SOBP: variants seen among roughly 807,000 people sequenced by gnomAD.
SOBP encodes sine oculis binding protein homolog, also known as sine oculis-binding protein homolog.
SOBP carries 4 observed loss-of-function variants against 53.6 expected under a neutral mutation model. The observed-to-expected ratio is 0.07, with a 90% CI of 0.04 to 0.17. SOBP has a LOEUF of 0.17. Ranked by LOEUF, SOBP falls within the 10% of genes least tolerant of loss-of-function variation. The probability of loss-of-function intolerance (pLI) is 1.00; values close to 1 mark genes in which losing one functional copy is unlikely to be tolerated. For missense variants in SOBP, 1,088 were observed against 1,204.7 expected, an observed-to-expected ratio of 0.90 and a Z score of 1.43; for synonymous variants, 584 against 522.6, an observed-to-expected ratio of 1.12 and a Z score of -1.60.
chr6:107,512,978 G>A (rs748879655), intron 3 of SOBP, among the ~76,000 whole-genome samples: 1 of 152,044 alleles, frequency 6.6e-6, no homozygotes, highest in Non-Finnish European at 1.5e-5. Context: ...AAAAAAAGAG[G>A]GAATATACTT....
chr6:107,513,357 G>A (rs1331255839), intron 3 of SOBP, among the ~76,000 whole-genome samples: 2 of 152,128 alleles, frequency 1.3e-5, no homozygotes, highest in Non-Finnish European at 2.9e-5. Flanking sequence ...GGAACCATTA[G>A]CTTAACGGAG....
intron 6 of SOBP, among the ~76,000 whole-genome samples, chr6:107,650,676 G>A (rs755490609): frequency 2.7e-4 from 41 of 152,108 alleles, no homozygotes; most frequent in Non-Finnish European, 4.7e-4. Flanking sequence ...TCCACCAACT[G>A]GCTGTTCCCC....
At chr6:107,627,819 T>C (rs911342697) in intron 5 of SOBP, among the ~76,000 whole-genome samples, 17 of 152,268 alleles carry the variant, frequency 1.1e-4, no homozygotes, top group Non-Finnish European at 2.2e-4. Context: ...CCGTATGGCT[T>C]TGCATGTCTA....
At chr6:107,493,891 AT>A (rs1306929981) in intron 1 of SOBP, among the ~76,000 whole-genome samples, 2 of 152,360 alleles carry the variant, frequency 1.3e-5, no homozygotes, top group East Asian at 3.9e-4. Context: ...TAGATCAGAT[AT>A]TGAGTTACAT....
chr6:107,628,190 C>T (rs1047269684), intron 5 of SOBP, among the ~76,000 whole-genome samples: 6 of 152,188 alleles, frequency 3.9e-5, no homozygotes, highest in Non-Finnish European at 5.9e-5. Context: ...GCAGCCATGT[C>T]GCTTTATCAA....
chr6:107,626,810 CAT>C lies in SOBP; in HGVS notation c.670-6703_670-6702del, dbSNP rs531972783. Among the ~76,000 whole-genome samples the C allele has an allele frequency of 1.7e-3, 263 of 150,800 alleles. 1 individual carries two copies. The highest frequency in any genetic ancestry group is 2.3e-3 in the Non-Finnish European group (152 of 66,918). ...CCCTCCCAGTTTCCTTTCTTTCTCA[CAT>C]GTTTCCCCAGGCAGGGTCGTCACTG... On this transcript the variant is annotated intron_variant, in intron 5 of 6. Coordinates refer to ENST00000317357, the MANE Select transcript of SOBP (RefSeq NM_018013.4).
At chr6:107,593,572 G>C (rs1275921613) in intron 5 of SOBP, among the ~76,000 whole-genome samples, 3 of 152,108 alleles carry the variant, frequency 2.0e-5, no homozygotes, top group Non-Finnish European at 4.4e-5. Flanking sequence ...GTGCACTCTG[G>C]GCAAGTTTCT....
At chr6:107,558,634 C>T (rs1261019327) in intron 4 of SOBP, among the ~76,000 whole-genome samples, 1 of 151,390 alleles carries the variant, frequency 6.6e-6, no homozygotes, top group Non-Finnish European at 1.5e-5. Flanking sequence ...CATAAATCCT[C>T]TCTAGAATGA....
chr6:107,542,873 C>G, intron 4 of SOBP, among the ~76,000 whole-genome samples: 1 of 151,858 alleles, frequency 6.6e-6, no homozygotes, highest in East Asian at 1.9e-4. Context: ...GGGGCTTGTC[C>G]CCAACCCGGT....
At chr6:107,630,387 T>C (rs904657129) in intron 5 of SOBP, among the ~76,000 whole-genome samples, 18 of 152,330 alleles carry the variant, frequency 1.2e-4, no homozygotes, top group African/African-American at 4.3e-4. Context: ...CAAATGTTGT[T>C]TTATTAAAGA....
intron 4 of SOBP, among the ~76,000 whole-genome samples, chr6:107,541,061 C>T (rs1194194392): frequency 6.6e-6 from 1 of 152,156 alleles, no homozygotes; most frequent in Non-Finnish European, 1.5e-5. Flanking sequence ...AAATCCATTC[C>T]TGATTAAGTC....
At chr6:107,581,433 G>A (rs1220928522) in intron 4 of SOBP, among the ~76,000 whole-genome samples, 1 of 152,190 alleles carries the variant, frequency 6.6e-6, no homozygotes, top group Non-Finnish European at 1.5e-5. Context: ...CAACAGTGCA[G>A]TAACTCCAGG....
intron 1 of SOBP, among the ~76,000 whole-genome samples, chr6:107,500,675 C>T (rs1415075765): frequency 1.3e-5 from 2 of 151,450 alleles, no homozygotes; most frequent in Non-Finnish European, 2.9e-5. Context: ...GCGCCCGCCA[C>T]TACGCCCGGC....
chr6:107,634,409 C>G lies in SOBP; in HGVS notation c.1565C>G (p.Thr522Ser), dbSNP rs1562116339. ...PSLAPLVPPPTLLVPYPVIVP... is the reference protein window; with the variant it reads ...PSLAPLVPPPSLLVPYPVIVP... ...CTTGCCCCGCTGGTGCCGCCCCCGACCCTGCTCGTGCCGTACCCCGTGATC... is the reference window on the plus strand; with the variant it reads ...CTTGCCCCGCTGGTGCCGCCCCCGAGCCTGCTCGTGCCGTACCCCGTGATC... Residue 522 changes from threonine to serine, a missense_variant, in exon 6 of 7, where the codon ACC becomes AGC. By Grantham distance (58) the Thr-to-Ser change is moderately conservative (BLOSUM62 1). Transcript: ENST00000317357. This position sits in a 1 kb window ranked among gnomAD's most constrained non-coding sequence, Gnocchi z 4.5. The G allele has an allele frequency of 1.2e-6, 2 of 1,604,102 alleles. No individual in the cohort carries two copies. Among genetic ancestry groups the G allele is most frequent in the Non-Finnish European group, 1.7e-6 (2 of 1,179,616 alleles).
At position 107,579,292 on chromosome 6, in the gene SOBP, G is replaced by A. The variant is rs113943485; in HGVS notation, c.574-7788G>A. ...CTTAGCAGAGAATGAAAAAGAAGGG[G>A]GCTGCATGCTCCTAGCTGCTGGGCC... On this transcript the variant is annotated intron_variant, in intron 4 of 6. Coordinates refer to ENST00000317357, the MANE Select transcript of SOBP (RefSeq NM_018013.4). Among the ~76,000 whole-genome samples, 11 of 152,128 alleles carry A rather than the reference G, an allele frequency of 7.2e-5. 3 individuals are homozygous for A. The highest frequency in any genetic ancestry group is 2.4e-4 in the African/African-American group (10 of 41,474).
intron 5 of SOBP, among the ~76,000 whole-genome samples, chr6:107,629,231 C>CT (rs5878925): frequency 0.039 from 4,783 of 123,298 alleles, 205 homozygotes; most frequent in African/African-American, 0.11. Flanking sequence ...GTGCTAATAT[C>CT]TTTTTTTTTT....
chr6:107,593,284 G>T (rs1339086546), intron 5 of SOBP, among the ~76,000 whole-genome samples: 1 of 152,182 alleles, frequency 6.6e-6, no homozygotes. Context: ...CTCAGCTTCT[G>T]CTCTGATATA....
intron 4 of SOBP, among the ~76,000 whole-genome samples, chr6:107,553,438 C>T (rs1784523612): frequency 6.6e-6 from 1 of 151,496 alleles, no homozygotes. Context: ...AAGTGATTCT[C>T]CTGCCTCAGC....
At chr6:107,521,778 G>T (rs1372463817) in intron 3 of SOBP, among the ~76,000 whole-genome samples, 2 of 152,054 alleles carry the variant, frequency 1.3e-5, no homozygotes, top group African/African-American at 2.4e-5. Context: ...AACACCCAAG[G>T]TGCACCTAGT....
Sources: allele counts gnomAD v4.1 joint callset (sites outside exome capture counted in the v4.1 genomes callset), GRCh38; gene constraint gnomAD v4.1.1; non-coding constraint Gnocchi (gnomAD v3.1); transcripts MANE v1.5; gene names NCBI Gene and HGNC (gene_info 2026-07-23, HGNC 2026-07-21).